SLC13A1: variants seen among roughly 807,000 people sequenced by gnomAD.
SLC13A1 encodes the protein Na(+)/sulfate cotransporter.
In SLC13A1, 65 loss-of-function variants were observed where a neutral mutation model predicts 70.0. The observed-to-expected ratio is 0.93, with a 90% confidence interval of 0.76 to 1.14. The LOEUF (loss-of-function observed/expected upper bound fraction) is 1.14, where lower values mean the gene tolerates loss of function less well. Ranked by LOEUF, SLC13A1 falls within the 50% of genes most tolerant of loss-of-function variation. SLC13A1 has a pLI of 0.00. For synonymous variants in SLC13A1, 275 were observed against 250.5 expected, an observed-to-expected ratio of 1.10 and a Z score of -0.92; for missense variants, 726 against 717.8, an observed-to-expected ratio of 1.01 and a Z score of -0.13.
chr7:123,125,770 A>C, intron 10 of SLC13A1, 95 bp from the exon 11 acceptor site: 1 of 830,354 alleles, frequency 1.2e-6, no homozygotes, highest in South Asian at 1.4e-5. Context: ...GTAATAGGTT[A>C]TTATCAGTAG....
intron 12 of SLC13A1, among the ~76,000 whole-genome samples, chr7:123,119,914 G>A (rs904715638): frequency 1.3e-5 from 2 of 151,836 alleles, no homozygotes; most frequent in Non-Finnish European, 2.9e-5. Flanking sequence ...TACTATCAGT[G>A]CGTTTACTCT....
At chr7:123,199,529 C>T (rs1796285943) in intron 1 of SLC13A1, among the ~76,000 whole-genome samples, 1 of 151,992 alleles carries the variant, frequency 6.6e-6, no homozygotes, top group African/African-American at 2.4e-5. Flanking sequence ...ATGCATGCTC[C>T]CTGGAGAATG....
chr7:123,192,103 T>A (rs1796015170), intron 1 of SLC13A1, among the ~76,000 whole-genome samples: 2 of 152,136 alleles, frequency 1.3e-5, no homozygotes, highest in African/African-American at 2.4e-5. Flanking sequence ...CCTGCCCCAG[T>A]GGGTGAATGT....
At chr7:123,166,483 T>C (rs1248295046) in intron 6 of SLC13A1, among the ~76,000 whole-genome samples, 2 of 152,134 alleles carry the variant, frequency 1.3e-5, no homozygotes, top group South Asian at 2.1e-4. Flanking sequence ...CATGTTGGTG[T>C]GCTGAACCCA....
chr7:123,189,472 T>C (rs566617153), intron 1 of SLC13A1, among the ~76,000 whole-genome samples: 2 of 152,274 alleles, frequency 1.3e-5, no homozygotes, highest in Non-Finnish European at 2.9e-5. Flanking sequence ...TTACAATCTG[T>C]ATGACAACTC....
At chr7:123,193,653 G>A (rs1230672179) in intron 1 of SLC13A1, among the ~76,000 whole-genome samples, 1 of 152,136 alleles carries the variant, frequency 6.6e-6, no homozygotes, top group South Asian at 2.1e-4. Flanking sequence ...ACAGATTTGT[G>A]TTTAAGTCCT....
At chr7:123,141,133 A>T (rs1585318731) in intron 7 of SLC13A1, among the ~76,000 whole-genome samples, 1 of 151,988 alleles carries the variant, frequency 6.6e-6, no homozygotes, top group Admixed American at 6.6e-5. Flanking sequence ...GTTTCAAAAA[A>T]TTTTTCAATT....
chr7:123,195,517 C>G (rs915958086), intron 1 of SLC13A1, among the ~76,000 whole-genome samples: 2 of 151,948 alleles, frequency 1.3e-5, no homozygotes, highest in Non-Finnish European at 2.9e-5. Flanking sequence ...CTACCACTTC[C>G]TCCTTCTAGG....
At chr7:123,186,846 T>C in intron 1 of SLC13A1, 1 of 430,112 alleles carries the variant, frequency 2.3e-6, no homozygotes, top group Non-Finnish European at 4.7e-6. Context: ...AAAAATAATG[T>C]GTACTTTTAT....
intron 6 of SLC13A1, among the ~76,000 whole-genome samples, chr7:123,151,932 A>T (rs758662112): frequency 6.6e-6 from 1 of 152,088 alleles, no homozygotes; most frequent in Non-Finnish European, 1.5e-5. Flanking sequence ...GCCTAGGTTA[A>T]TGAAATAGTG....
At chr7:123,184,915 C>T (rs1795751868) in intron 1 of SLC13A1, among the ~76,000 whole-genome samples, 1 of 151,940 alleles carries the variant, frequency 6.6e-6, no homozygotes, top group Admixed American at 6.6e-5. Flanking sequence ...TTCATAATGG[C>T]TGTACTAAGT....
chr7:123,160,177 A>T (rs1391441801), intron 6 of SLC13A1, among the ~76,000 whole-genome samples: 2 of 151,552 alleles, frequency 1.3e-5, no homozygotes, highest in African/African-American at 4.8e-5. Context: ...AGGCTGAGGC[A>T]GGAGAATCGC....
intron 2 of SLC13A1, among the ~76,000 whole-genome samples, chr7:123,176,223 A>G (rs1336155859): frequency 1.3e-5 from 2 of 152,208 alleles, no homozygotes; most frequent in African/African-American, 4.8e-5. Flanking sequence ...TTTTCATTGT[A>G]GTACCTATTC....
chr7:123,156,127 G>A (rs1215390835), intron 6 of SLC13A1, among the ~76,000 whole-genome samples: 3 of 152,012 alleles, frequency 2.0e-5, no homozygotes, highest in Admixed American at 6.6e-5. Context: ...ATTGTTTATT[G>A]GCTTTTTTCA....
intron 1 of SLC13A1, among the ~76,000 whole-genome samples, chr7:123,194,360 T>C (rs1796104856): frequency 6.6e-6 from 1 of 152,026 alleles, no homozygotes. Context: ...TAGTGAAGTA[T>C]TGTTAAAGAG....
At chr7:123,174,560 A>T (rs144505872) in intron 2 of SLC13A1, among the ~76,000 whole-genome samples, 1 of 152,058 alleles carries the variant, frequency 6.6e-6, no homozygotes, top group East Asian at 1.9e-4. Flanking sequence ...GTTCCTCACT[A>T]TTTCTCACTT....
rs988600397 is a variant in SLC13A1 at position 123,113,857 on chromosome 7, T to A, written c.*1661A>T. ...ATAATTCGTATGTTAAATATTATTT[T>A]AAAAACCCTCTTTACTATATTTAGT... On this transcript the variant is annotated 3_prime_UTR_variant, in exon 15 of 15. Coordinates refer to ENST00000194130, the MANE Select transcript of SLC13A1 (RefSeq NM_022444.4). 2 of 152,146 alleles carry A rather than the reference T, an allele frequency of 1.3e-5. No individual in the cohort carries two copies. The highest frequency in any genetic ancestry group is 2.4e-5 in the African/African-American group (1 of 41,442). 9.4% of individuals were successfully genotyped at this position (152,146 alleles called of 1,614,324 possible). A position where few individuals can be genotyped will look rare whatever the true frequency, so the allele number is the denominator to read the frequency against.
chr7:123,132,660 C>T (rs766627312), intron 8 of SLC13A1, among the ~76,000 whole-genome samples: 9 of 152,210 alleles, frequency 5.9e-5, no homozygotes, highest in Non-Finnish European at 1.3e-4. Flanking sequence ...AGGAAGTACA[C>T]ATAGCTGGCT....
intron 6 of SLC13A1, among the ~76,000 whole-genome samples, chr7:123,162,135 C>T (rs1794935302): frequency 6.6e-6 from 1 of 150,448 alleles, no homozygotes; most frequent in African/African-American, 2.5e-5. Flanking sequence ...GTGTGGGGGG[C>T]TTATTGTACA....
Sources: allele counts gnomAD v4.1 joint callset (sites outside exome capture counted in the v4.1 genomes callset), GRCh38; gene constraint gnomAD v4.1.1; transcripts MANE v1.5; gene names NCBI Gene and HGNC (gene_info 2026-07-23, HGNC 2026-07-21).